The following COP1 variants were observed in gnomAD, a reference collection of about 807,000 sequenced individuals.
COP1 encodes the protein COP1 E3 ubiquitin ligase.
Under a neutral mutation model 101.3 loss-of-function variants are expected in COP1, and 24 were observed. The ratio of observed to expected loss-of-function variants is 0.24; its 90% CI spans 0.17 to 0.33. The LOEUF is 0.33. COP1 is among the 10% of genes least tolerant of loss of function. COP1 has a pLI of 1.00. For missense variants in COP1, 663 were observed against 906.2 expected (o/e 0.73, Z 3.45); for synonymous variants, 347 against 341.9 (o/e 1.01, Z -0.17).
intron 1 of COP1, among the ~76,000 whole-genome samples, chr1:176,205,562 C>A (rs993157082): frequency 2.0e-5 from 3 of 152,170 alleles, no homozygotes; most frequent in Non-Finnish European, 4.4e-5. Context: ...ATTTGATCAA[C>A]AATTTCCTCA....
At chr1:176,081,067 A>C in intron 11 of COP1, 85 bp downstream of exon 11, 1 of 1,216,494 alleles carries the variant, frequency 8.2e-7, no homozygotes, top group Non-Finnish European at 1.2e-6. Context: ...CCACGCTTTT[A>C]ATAATAATGG....
At chr1:176,094,662 T>C (rs116125747) in intron 9 of COP1, among the ~76,000 whole-genome samples, 9,734 of 149,350 alleles carry the variant, frequency 0.065, 439 homozygotes, top group Non-Finnish European at 0.087. Context: ...TATTTGGTCA[T>C]TGGAAAAAGT....
chr1:176,062,415 T>C (rs370613965), intron 11 of COP1, among the ~76,000 whole-genome samples: 2 of 152,076 alleles, frequency 1.3e-5, no homozygotes, highest in Admixed American at 6.6e-5. Flanking sequence ...GGGAAAAGCA[T>C]AGAAAAACAA....
At chr1:175,981,116 C>A (rs1655746573) in intron 18 of COP1, among the ~76,000 whole-genome samples, 2 of 152,122 alleles carry the variant, frequency 1.3e-5, no homozygotes, top group African/African-American at 4.8e-5. Flanking sequence ...CATCTGGAAT[C>A]TTTTTCTTTC....
intron 11 of COP1, among the ~76,000 whole-genome samples, chr1:176,061,267 C>CAGGAAA (rs1374919830): frequency 6.6e-6 from 1 of 152,212 alleles, no homozygotes; most frequent in Non-Finnish European, 1.5e-5. Flanking sequence ...AAGATGCCAA[C>CAGGAAA]AGGAAAAGGT....
Position 176,019,583 on chromosome 1 carries a change from T to C in COP1, c.1729+7989A>G, listed in dbSNP as rs1480557182. 3.4e-5 allele frequency among the ~76,000 whole-genome samples: 5 copies of C among 148,154 alleles called. 1 individual carries two copies. Among genetic ancestry groups the C allele is most frequent in the African/African-American group, 1.2e-4 (5 of 40,368 alleles). ...AAATCAAAACATCACTAACAGGGCC[T>C]GGCACGGTGGCTCACACCTGCAATC... On this transcript the variant is annotated intron_variant, in intron 15 of 19. Transcript: ENST00000367669.
intron 15 of COP1, among the ~76,000 whole-genome samples, chr1:175,995,381 A>G (rs1232125200): frequency 1.3e-5 from 2 of 152,282 alleles, no homozygotes; most frequent in East Asian, 1.9e-4. Context: ...CAGAAGGCAA[A>G]AAATAATTAA....
intron 6 of COP1, among the ~76,000 whole-genome samples, chr1:176,146,252 T>C (rs1691571637): frequency 6.6e-6 from 1 of 152,186 alleles, no homozygotes; most frequent in Non-Finnish European, 1.5e-5. Context: ...TTTTGTTTAA[T>C]CTGACCATGA....
At chr1:176,195,279 AAGG>A (rs1699546466) in intron 1 of COP1, among the ~76,000 whole-genome samples, 1 of 152,218 alleles carries the variant, frequency 6.6e-6, no homozygotes, top group Non-Finnish European at 1.5e-5. Context: ...TCAAAATGAT[AAGG>A]AGATCAATTC....
intron 9 of COP1, among the ~76,000 whole-genome samples, chr1:176,093,980 G>A (rs2149467861): frequency 6.6e-6 from 1 of 151,192 alleles, no homozygotes; most frequent in Middle Eastern, 3.4e-3. Flanking sequence ...CTGAGATTGT[G>A]CCACTGCACT....
chr1:175,996,203 T>C (rs1343120410), intron 15 of COP1, among the ~76,000 whole-genome samples: 21 of 152,096 alleles, frequency 1.4e-4, no homozygotes, highest in African/African-American at 3.6e-4. Context: ...AACAACCCTT[T>C]GTGCTAAAAA....
intron 9 of COP1, among the ~76,000 whole-genome samples, chr1:176,096,519 T>C (rs1195760325): frequency 6.6e-6 from 1 of 152,218 alleles, no homozygotes; most frequent in Non-Finnish European, 1.5e-5. Context: ...GCCTGGGCCC[T>C]GCATGGTTGA....
At chr1:176,051,357 AGC>A (rs1237728650) in intron 11 of COP1, among the ~76,000 whole-genome samples, 1 of 152,196 alleles carries the variant, frequency 6.6e-6, no homozygotes, top group East Asian at 1.9e-4. Context: ...ATTATAATGA[AGC>A]TGAACAATTC....
At chr1:176,206,501 C>G (rs1700867283) in intron 1 of COP1, 71 bp downstream of exon 1, 2 of 1,562,414 alleles carry the variant, frequency 1.3e-6, no homozygotes, top group African/African-American at 1.4e-5. Flanking sequence ...CACACCAGAC[C>G]CCCCGCCCCC....
Position 176,124,416 on chromosome 1 carries a change from A to AG in COP1, c.969-7736dup, listed in dbSNP as rs1229260870. ...AACGTTCCCACCTCCCCTGCCCCCCAGCCCCGTACTACCCCTTTCCCAGCT... is the reference window on the plus strand; with the variant it reads ...AACGTTCCCACCTCCCCTGCCCCCCAGGCCCCGTACTACCCCTTTCCCAGCT... On this transcript the variant is annotated intron_variant, in intron 8 of 19. Coordinates refer to ENST00000367669, the MANE Select transcript of COP1 (RefSeq NM_022457.7). 4.6e-3 allele frequency among the ~76,000 whole-genome samples: 227 copies of AG among 49,168 alleles called. 2 individuals are homozygous for AG. The highest frequency in any genetic ancestry group is 0.017 in the African/African-American group (216 of 12,670). 32.3% of individuals were successfully genotyped at this position (49,168 alleles called of 152,430 possible).
At position 176,027,899 on chromosome 1, in the gene COP1, TAA is replaced by T. The variant is rs10712525; in HGVS notation, c.1613-213_1613-212del. ...AGATACCTGAAACTGGGTAATTTAT[TAA>T]AAAAAAAAAAAAGAGGTTTAATTGA... is the stretch of plus-strand genomic sequence containing the variant. On this transcript the variant is annotated intron_variant, in intron 14 of 19. Transcript: ENST00000367669. Among the ~76,000 whole-genome samples the T allele has an allele frequency of 4.9e-3, 722 of 146,192 alleles. 3 individuals carry two copies. The highest frequency in any genetic ancestry group is 0.011 in the African/African-American group (429 of 40,028).
At chr1:176,130,562 TA>T (rs552678780) in intron 8 of COP1, among the ~76,000 whole-genome samples, 365 of 151,912 alleles carry the variant, frequency 2.4e-3, no homozygotes, top group Non-Finnish European at 4.1e-3. Flanking sequence ...TCAACTGATA[TA>T]TTTTTTTAAA....
intron 1 of COP1, among the ~76,000 whole-genome samples, chr1:176,201,840 T>C (rs1700292025): frequency 6.6e-6 from 1 of 152,228 alleles, no homozygotes; most frequent in Admixed American, 6.5e-5. Flanking sequence ...GGCACATGTA[T>C]TATAAAGCAA....
At chr1:176,089,773 T>C (rs535736717) in intron 9 of COP1, among the ~76,000 whole-genome samples, 32 of 152,346 alleles carry the variant, frequency 2.1e-4, no homozygotes, top group African/African-American at 7.7e-4. Context: ...TACTTAACCC[T>C]ATATAATCTC....
Sources: gnomAD v4.1 joint callset for allele counts (sites outside exome capture counted in the v4.1 genomes callset) on GRCh38, gnomAD v4.1.1 for gene constraint, MANE v1.5 for transcripts, NCBI Gene and HGNC (gene_info 2026-07-23, HGNC 2026-07-21) for gene names.